Variants in CACNA1E observed in about 807,000 individuals in gnomAD.
The protein encoded by CACNA1E is voltage-dependent R-type calcium channel subunit alpha-1E.
A neutral mutation model predicts 259.2 loss-of-function variants in CACNA1E; 40 were observed. The observed-to-expected ratio is 0.15, with a 90% CI of 0.12 to 0.20. The LOEUF (loss-of-function observed/expected upper bound fraction) is 0.20. Ranked by LOEUF, CACNA1E falls within the 10% of genes least tolerant of loss-of-function variation. CACNA1E has a pLI of 1.00. For missense variants in CACNA1E, 1,874 were observed against 3,040.1 expected (o/e 0.62, Z 9.02); for synonymous variants, 1,104 against 1,138.5 (o/e 0.97, Z 0.61).
intron 21 of CACNA1E, among the ~76,000 whole-genome samples, chr1:181,735,140 A>G (rs746032380): frequency 6.6e-6 from 1 of 152,198 alleles, no homozygotes; most frequent in Non-Finnish European, 1.5e-5. Flanking sequence ...TACTTCAGAA[A>G]GTGCAATCTC....
chr1:181,332,629 T>C (rs552669115), intron 1 of CACNA1E, among the ~76,000 whole-genome samples: 7 of 152,348 alleles, frequency 4.6e-5, no homozygotes, highest in African/African-American at 1.7e-4. Flanking sequence ...AAAAGTCTTC[T>C]AGTTTGGTGG....
At position 181,649,379 on chromosome 1, in the gene CACNA1E, C is replaced by CAA. The variant is rs111445921; in HGVS notation, c.952-1949_952-1948dup. ...TATCTCTCTCTGAATAGTGTAGGGG[C>CAA]AAAAAAAAAAAGACACAAGTGTGGT... On this transcript the variant is annotated intron_variant, in intron 6 of 47. Transcript: ENST00000367573. Among the ~76,000 whole-genome samples, 108 of 140,192 alleles carry CAA rather than the reference C, an allele frequency of 7.7e-4. 1 individual carries two copies. Among genetic ancestry groups the CAA allele is most frequent in the African/African-American group, 2.1e-3 (82 of 38,456 alleles). 92.0% of individuals were successfully genotyped at this position (140,192 alleles called of 152,430 possible). A position where few individuals can be genotyped will look rare whatever the true frequency, so the allele number is the denominator to read the frequency against.
At chr1:181,735,586 A>T (rs1655961135) in intron 21 of CACNA1E, among the ~76,000 whole-genome samples, 1 of 152,160 alleles carries the variant, frequency 6.6e-6, no homozygotes, top group Non-Finnish European at 1.5e-5. Flanking sequence ...GCTCCCCTCG[A>T]CCTCTGGCTC....
intron 3 of CACNA1E, among the ~76,000 whole-genome samples, chr1:181,576,322 T>A (rs1179781233): frequency 6.6e-6 from 1 of 152,230 alleles, no homozygotes; most frequent in Non-Finnish European, 1.5e-5. Context: ...TACAGGTAGC[T>A]CCCGGATACT....
chr1:181,432,651 G>T (rs1389431716), intron 2 of CACNA1E, among the ~76,000 whole-genome samples: 12 of 152,104 alleles, frequency 7.9e-5, no homozygotes, highest in Non-Finnish European at 1.5e-4. Flanking sequence ...TGGGTGAGGA[G>T]GCAACAGGAT....
At chr1:181,318,535 A>G (rs1650089527) in intron 1 of CACNA1E, among the ~76,000 whole-genome samples, 1 of 152,056 alleles carries the variant, frequency 6.6e-6, no homozygotes, top group Non-Finnish European at 1.5e-5. Flanking sequence ...CCGAGAAGGG[A>G]GCAGGCTCGA....
At chr1:181,532,807 C>T (rs1423025787) in intron 3 of CACNA1E, among the ~76,000 whole-genome samples, 1 of 152,232 alleles carries the variant, frequency 6.6e-6, no homozygotes, top group Non-Finnish European at 1.5e-5. Context: ...TTTGGATCTT[C>T]TCCTAAACAC....
At chr1:181,434,948 G>T (rs1467750890) in intron 2 of CACNA1E, among the ~76,000 whole-genome samples, 1 of 152,234 alleles carries the variant, frequency 6.6e-6, no homozygotes, top group Non-Finnish European at 1.5e-5. Flanking sequence ...GTGAAATCAT[G>T]TTGATAAGTG....
chr1:181,654,208 A>G (rs1042178797), intron 7 of CACNA1E, among the ~76,000 whole-genome samples: 3 of 150,506 alleles, frequency 2.0e-5, no homozygotes, highest in Non-Finnish European at 3.0e-5. Context: ...TGTAAAATGT[A>G]CATTCATTTT....
intron 1 of CACNA1E, among the ~76,000 whole-genome samples, chr1:181,381,893 T>C (rs777923859): frequency 6.6e-6 from 1 of 152,184 alleles, no homozygotes; most frequent in Non-Finnish European, 1.5e-5. Context: ...TGGGAACATA[T>C]AGCTGAGAAA....
At chr1:181,357,098 C>T (rs1460680045) in intron 1 of CACNA1E, among the ~76,000 whole-genome samples, 1 of 152,138 alleles carries the variant, frequency 6.6e-6, no homozygotes, top group Non-Finnish European at 1.5e-5. Context: ...CGCTCCCTTC[C>T]TCCCTCCTGC....
intron 32 of CACNA1E, among the ~76,000 whole-genome samples, chr1:181,760,275 A>AT (rs1347189524): frequency 6.6e-6 from 1 of 152,082 alleles, no homozygotes; most frequent in Non-Finnish European, 1.5e-5. Context: ...CCATGTTTTC[A>AT]TTCAAGGTCT....
chr1:181,601,399 C>T (rs967987760), intron 6 of CACNA1E, among the ~76,000 whole-genome samples: 1 of 152,118 alleles, frequency 6.6e-6, no homozygotes, highest in African/African-American at 2.4e-5. Flanking sequence ...ACACACGGCT[C>T]CTCCCCGTGA....
intron 43 of CACNA1E, among the ~76,000 whole-genome samples, chr1:181,790,216 G>A (rs2102867915): frequency 6.6e-6 from 1 of 151,754 alleles, no homozygotes; most frequent in Non-Finnish European, 1.5e-5. Flanking sequence ...AGACATGCTA[G>A]CCCCCGGCAG....
rs2102926762 is a variant in CACNA1E at position 181,801,700 on chromosome 1, C to T, written c.*2866C>T. The T allele has an allele frequency of 6.6e-6, 1 of 152,278 alleles. No individual in the cohort carries two copies. Among genetic ancestry groups the T allele is most frequent in the East Asian group, 1.9e-4 (1 of 5,176 alleles). 9.4% of individuals were successfully genotyped at this position (152,278 alleles called of 1,614,324 possible). On this transcript the variant is annotated 3_prime_UTR_variant, in exon 48 of 48. Coordinates refer to ENST00000367573, the MANE Select transcript of CACNA1E (RefSeq NM_001205293.3). Reference sequence around the variant, plus strand: ...GCCCCTGTAGACCCCAACACCTATTCTTTTCTCTGGTTAATTACAGCAGCA... The same window carrying T: ...GCCCCTGTAGACCCCAACACCTATTTTTTTCTCTGGTTAATTACAGCAGCA...
chr1:181,603,101 A>G (rs892486584), intron 6 of CACNA1E, among the ~76,000 whole-genome samples: 1 of 152,168 alleles, frequency 6.6e-6, no homozygotes, highest in African/African-American at 2.4e-5. Context: ...CTTAAAACCT[A>G]CTGGCCTTAA....
intron 16 of CACNA1E, among the ~76,000 whole-genome samples, chr1:181,723,145 C>T (rs1348088193): frequency 6.6e-6 from 1 of 152,154 alleles, no homozygotes. Flanking sequence ...AGGACCCTCA[C>T]AAGAAGAATG....
chr1:181,706,319 G>A (rs1652793846), intron 7 of CACNA1E, among the ~76,000 whole-genome samples: 2 of 152,104 alleles, frequency 1.3e-5, no homozygotes, highest in South Asian at 4.1e-4. Context: ...CTGTGAAGAG[G>A]ACAGGGTACT....
intron 1 of CACNA1E, among the ~76,000 whole-genome samples, chr1:181,343,173 A>C (rs1652305938): frequency 6.6e-6 from 1 of 151,946 alleles, no homozygotes; most frequent in Admixed American, 6.5e-5. Context: ...GACAAGGAGA[A>C]GACTGGGGTG....
Sources: gnomAD v4.1 joint callset for allele counts (sites outside exome capture counted in the v4.1 genomes callset) on GRCh38, gnomAD v4.1.1 for gene constraint, MANE v1.5 for transcripts, NCBI Gene and HGNC (gene_info 2026-07-23, HGNC 2026-07-21) for gene names.